The following DIO1 variants were observed in gnomAD, a reference collection of about 807,000 sequenced individuals.
DIO1 encodes type I iodothyronine deiodinase.
In DIO1, 17 loss-of-function variants were observed where a neutral mutation model predicts 25.9. That is an observed-to-expected ratio of 0.66 (90% CI 0.45 to 0.98). The LOEUF is 0.98. Ranked by LOEUF, DIO1 falls within the 50% of genes least tolerant of loss-of-function variation. The probability of loss-of-function intolerance (pLI) is 0.00; values close to 1 mark genes in which losing one functional copy is unlikely to be tolerated. For missense variants in DIO1, 270 were observed against 310.4 expected, an observed-to-expected ratio of 0.87 and a Z score of 0.98; for synonymous variants, 115 against 114.0, an observed-to-expected ratio of 1.01 and a Z score of -0.05.
At position 53,909,972 on chromosome 1, in the gene DIO1, T is replaced by C; in HGVS notation, c.723T>C (p.Arg241=). ...GGAACTACAACCCAGAGGAAGTTCG[T>C]GCTGTTCTGGAAAAGCTCCACAGTT... ...GPWNYNPEEV[R]AVLEKLHS is the part of the protein sequence containing the mutation. The change falls in exon 4 of 4, where the codon CGT becomes CGC. Residue 241 remains arginine, a synonymous_variant. Transcript: ENST00000361921. 6.2e-7 allele frequency: 1 copy of C among 1,614,206 alleles called. No individual in the cohort carries two copies. The highest frequency in any genetic ancestry group is 8.5e-7 in the Non-Finnish European group (1 of 1,180,022).
intron 2 of DIO1, 55 bp downstream of exon 2, chr1:53,904,864 C>T (rs1461713782): frequency 1.3e-6 from 2 of 1,562,752 alleles, no homozygotes; most frequent in Non-Finnish European, 1.7e-6. Context: ...TTCTCTCTCC[C>T]TTTTCCCCAG....
At chr1:53,906,059 G>A (rs1651637977) in intron 2 of DIO1, 36 bp from the exon 3 acceptor site, 1 of 1,603,882 alleles carries the variant, frequency 6.2e-7, no homozygotes, top group Non-Finnish European at 8.5e-7. Flanking sequence ...TGTGTGCTGT[G>A]TCAATGGGAC....
rs747297274 is a variant in DIO1 at position 53,904,681 on chromosome 1, T to C, written c.353T>C (p.Val118Ala). 3 of 1,613,644 alleles carry C rather than the reference T, an allele frequency of 1.9e-6. No individual in the cohort carries two copies. The Admixed American group carries it at 5.0e-5, about 27-fold the overall frequency. ...WEFMQGNRPL[V>A]LNFGSCTUPS... ...GCTGTTTCAGGTAATAGGCCACTGG[T>C]GCTGAATTTTGGAAGTTGTACCTGA... The change falls in exon 2 of 4, where the codon GTG becomes GCG. Residue 118 changes from valine (V) to alanine (A), a missense_variant. By Grantham distance (64) the Val-to-Ala change is moderately conservative. Transcript: ENST00000361921.
chr1:53,903,750 G>A (rs527809398), intron 1 of DIO1, among the ~76,000 whole-genome samples: 38 of 152,048 alleles, frequency 2.5e-4, no homozygotes, highest in Non-Finnish European at 4.7e-4. Flanking sequence ...TCAGGAGGCT[G>A]AGGCAGGAGA....
rs1650983739 is a variant in DIO1, at chr1:53,894,697, C to T, written c.337+150C>T. ...CTCTTCCTGCTTCCTGAAACTAGAACTTCTTGTGGATTGTTTCTCTAAGTA... is the reference window on the plus strand; with the variant it reads ...CTCTTCCTGCTTCCTGAAACTAGAATTTCTTGTGGATTGTTTCTCTAAGTA... On this transcript the variant is annotated intron_variant, in intron 1 of 3. Coordinates refer to ENST00000361921, the MANE Select transcript of DIO1 (RefSeq NM_000792.7). This position sits in a 1 kb window ranked among gnomAD's most constrained non-coding sequence, Gnocchi z 4.9. 8.3e-6 allele frequency: 6 copies of T among 725,246 alleles called. No individual in the cohort carries two copies. Among genetic ancestry groups the T allele is most frequent in the African/African-American group, 3.5e-5 (2 of 56,374 alleles). 44.9% of individuals were successfully genotyped at this position (725,246 alleles called of 1,614,324 possible).
intron 1 of DIO1, among the ~76,000 whole-genome samples, chr1:53,899,870 G>A (rs1651265153): frequency 6.6e-6 from 1 of 152,022 alleles, no homozygotes; most frequent in Non-Finnish European, 1.5e-5. Context: ...GTCCTGCTAT[G>A]TTGCCCAGGC....
intron 1 of DIO1, among the ~76,000 whole-genome samples, chr1:53,895,946 T>C (rs2268183): frequency 0.23 from 34,253 of 152,086 alleles, 4,081 homozygotes; most frequent in African/African-American, 0.29. Flanking sequence ...CACCTCAGCT[T>C]CCTACAGCTA....
chr1:53,905,899 C>G (rs930644775), intron 2 of DIO1, among the ~76,000 whole-genome samples, 196 bp from the exon 3 acceptor site: 2 of 152,360 alleles, frequency 1.3e-5, no homozygotes, highest in Non-Finnish European at 2.9e-5. Flanking sequence ...GTCTGGCAGA[C>G]AGAAGCCCTG....
intron 1 of DIO1, among the ~76,000 whole-genome samples, chr1:53,900,442 A>T (rs1651299020): frequency 6.6e-6 from 1 of 152,104 alleles, no homozygotes. Flanking sequence ...TGTCTCTACT[A>T]AAAATACAAA....
chr1:53,908,713 G>T (rs1569743419), intron 3 of DIO1, among the ~76,000 whole-genome samples: 1 of 152,126 alleles, frequency 6.6e-6, no homozygotes, highest in Non-Finnish European at 1.5e-5. Flanking sequence ...TTACACAGGG[G>T]TCTCATTCTA....
chr1:53,906,538 T>G (rs972194888), intron 3 of DIO1, among the ~76,000 whole-genome samples: 5 of 152,238 alleles, frequency 3.3e-5, no homozygotes, highest in Admixed American at 1.3e-4. Context: ...CCCTAGCATT[T>G]GGACTGGAGC....
Position 53,906,294 on chromosome 1 carries a change from G to T in DIO1, c.681G>T (p.Lys227Asn). The T allele has an allele frequency of 6.2e-7, 1 of 1,609,228 alleles. No individual in the cohort carries two copies. Among genetic ancestry groups the T allele is most frequent in the Non-Finnish European group, 8.5e-7 (1 of 1,177,050 alleles). Residue 227 changes from lysine to asparagine, a missense_variant and splice_region_variant, in exon 3 of 4, where the codon AAG becomes AAT. By Grantham distance (94) the Lys-to-Asn change is moderately conservative. Transcript: ENST00000361921. Reference sequence around the variant, plus strand: ...TCCAGGAGGGCAGGATCCTCTACAAGGTGGTGACCTGGGGACAGGGGGCCC... The same window carrying T: ...TCCAGGAGGGCAGGATCCTCTACAATGTGGTGACCTGGGGACAGGGGGCCC... ...YIIQEGRILYKGKSGPWNYNP... is the reference protein window; with the variant it reads ...YIIQEGRILYNGKSGPWNYNP...
Position 53,894,642 on chromosome 1 carries a change from C to A in DIO1, c.337+95C>A. The A allele has an allele frequency of 8.6e-7, 1 of 1,162,802 alleles. No homozygotes were observed. The highest frequency in any genetic ancestry group is 1.2e-6 in the Non-Finnish European group (1 of 836,604). 72.0% of individuals were successfully genotyped at this position (1,162,802 alleles called of 1,614,324 possible). A position where few individuals can be genotyped will look rare whatever the true frequency, so the allele number is the denominator to read the frequency against. ...TGGAAAGTCCTGAATTCTCCTACTA[C>A]TTTTGCTGCTCCTTTTGGACCTTCT... On this transcript the variant is annotated intron_variant, in intron 1 of 3. Coordinates refer to ENST00000361921, the MANE Select transcript of DIO1 (RefSeq NM_000792.7). This position sits in a 1 kb window ranked among gnomAD's most constrained non-coding sequence, Gnocchi z 4.9.
At chr1:53,908,416 C>T (rs1292960254) in intron 3 of DIO1, among the ~76,000 whole-genome samples, 1 of 152,112 alleles carries the variant, frequency 6.6e-6, no homozygotes, top group African/African-American at 2.4e-5. Flanking sequence ...TAATCCCTGT[C>T]GCAACAATTC....
At chr1:53,900,775 G>A (rs558552620) in intron 1 of DIO1, among the ~76,000 whole-genome samples, 1 of 152,038 alleles carries the variant, frequency 6.6e-6, no homozygotes, top group African/African-American at 2.4e-5. Flanking sequence ...CTTCTCCCCA[G>A]CTCCACTGCC....
intron 1 of DIO1, among the ~76,000 whole-genome samples, chr1:53,903,641 G>C (rs1213635118): frequency 2.6e-5 from 4 of 151,818 alleles, no homozygotes; most frequent in Non-Finnish European, 5.9e-5. Flanking sequence ...TTGAGGTCAG[G>C]AGTCTGAGAC....
chr1:53,908,331 G>T (rs894086929), intron 3 of DIO1, among the ~76,000 whole-genome samples: 15 of 152,218 alleles, frequency 9.9e-5, no homozygotes, highest in Admixed American at 9.8e-4. Context: ...CAACTGCTGG[G>T]GGACTCCAGA....
Position 53,894,451 on chromosome 1 carries a change from C to A in DIO1, c.241C>A (p.Arg81=), listed in dbSNP as rs1650969218. ...FWFVLKVRWQ[R]LEDTTELGGL... ...GTTCGTCTTGAAGGTCCGTTGGCAG[C>A]GACTAGAGGACACGACTGAGCTAGG... The change falls in exon 1 of 4, where the codon CGA becomes AGA. Residue 81 remains arginine, a synonymous_variant. Transcript: ENST00000361921. The surrounding 1 kb of genome is among the most constrained non-coding windows in gnomAD (Gnocchi z 4.9). The A allele has an allele frequency of 3.1e-6, 5 of 1,614,198 alleles. No homozygotes were observed. The highest frequency in any genetic ancestry group is 4.2e-6 in the Non-Finnish European group (5 of 1,180,038).
intron 1 of DIO1, among the ~76,000 whole-genome samples, chr1:53,898,744 C>CAAAAAAAAAAAAA (rs60469690): frequency 2.8e-5 from 3 of 106,624 alleles, no homozygotes; most frequent in Admixed American, 1.0e-4. Context: ...GACTCTGTCT[C>CAAAAAAAAAAAAA]AAAAAAAAAA....
Sources: allele counts gnomAD v4.1 joint callset (sites outside exome capture counted in the v4.1 genomes callset), GRCh38; gene constraint gnomAD v4.1.1; non-coding constraint Gnocchi (gnomAD v3.1); transcripts MANE v1.5; gene names NCBI Gene and HGNC (gene_info 2026-07-23, HGNC 2026-07-21).